SDK1: variants seen among roughly 807,000 people sequenced by gnomAD.
SDK1 encodes sidekick cell adhesion molecule 1, also known as protein sidekick-1.
Under a neutral mutation model 245.5 loss-of-function variants are expected in SDK1, and 157 were observed. That is an observed-to-expected ratio of 0.64 (90% CI 0.56 to 0.73). The LOEUF (loss-of-function observed/expected upper bound fraction) is 0.73. Among genes scored for constraint, SDK1 ranks in the 30% least tolerant of loss-of-function variants. The pLI is 0.00. For synonymous variants in SDK1, 1,647 were observed against 1,278.5 expected (o/e 1.29, Z -6.15); for missense variants, 3,583 against 3,002.3 (o/e 1.19, Z -4.52).
rs117082500 is a variant in SDK1 at position 4,078,409 on chromosome 7, T to A, written c.3203-1054T>A. 3.4e-3 allele frequency among the ~76,000 whole-genome samples: 513 copies of A among 152,284 alleles called. 3 individuals carry two copies. The highest frequency in any genetic ancestry group is 0.031 in the South Asian group (149 of 4,828). On this transcript the variant is annotated intron_variant, in intron 21 of 44. Coordinates refer to ENST00000404826, the MANE Select transcript of SDK1 (RefSeq NM_152744.4). ...CCACTTGTCCTTCAATTTAAACATT[T>A]TCTATTTCAAATTCATTAAAAACTA...
intron 40 of SDK1, among the ~76,000 whole-genome samples, chr7:4,230,870 C>T (rs1419801295): frequency 6.6e-6 from 1 of 152,132 alleles, no homozygotes; most frequent in Non-Finnish European, 1.5e-5. Context: ...CAAAAGGACT[C>T]TTGATTTTCC....
rs574699124 is a variant in SDK1, at chr7:3,419,071, C to T, written c.298+117187C>T. ...ACATGGTTTTTGTGTCCCATGAATACGGTATTTTTGATCTGCATTTGATTG... is the reference window on the plus strand; with the variant it reads ...ACATGGTTTTTGTGTCCCATGAATATGGTATTTTTGATCTGCATTTGATTG... On this transcript the variant is annotated intron_variant, in intron 1 of 44. Transcript: ENST00000404826. Among the ~76,000 whole-genome samples, 12 of 152,274 alleles carry T rather than the reference C, an allele frequency of 7.9e-5. No homozygotes were observed. In the South Asian group the frequency reaches 1.2e-3, roughly 16 times the overall value.
intron 1 of SDK1, among the ~76,000 whole-genome samples, chr7:3,557,658 T>G (rs1349270036): frequency 6.6e-6 from 1 of 152,184 alleles, no homozygotes; most frequent in East Asian, 1.9e-4. Context: ...TACTAAGGCT[T>G]TCAAAATGTT....
intron 5 of SDK1, among the ~76,000 whole-genome samples, chr7:3,901,299 G>T (rs1583533576): frequency 1.3e-5 from 2 of 152,040 alleles, no homozygotes; most frequent in East Asian, 3.9e-4. Context: ...CGATTCTCCT[G>T]CCTCAGCCTC....
chr7:3,702,759 A>G (rs1376669118), intron 4 of SDK1, among the ~76,000 whole-genome samples: 4 of 152,182 alleles, frequency 2.6e-5, no homozygotes, highest in Non-Finnish European at 5.9e-5. Flanking sequence ...AATTAGAAAG[A>G]TGGTTCAAGT....
At chr7:3,806,321 AGGATGT>A (rs2115041231) in intron 4 of SDK1, among the ~76,000 whole-genome samples, 1 of 140,100 alleles carries the variant, frequency 7.1e-6, no homozygotes, top group African/African-American at 3.3e-5. Context: ...TGTCCACATT[AGGATGT>A]GGATGTCCAC....
At chr7:3,784,926 A>G (rs887078521) in intron 4 of SDK1, among the ~76,000 whole-genome samples, 1 of 152,228 alleles carries the variant, frequency 6.6e-6, no homozygotes, top group African/African-American at 2.4e-5. Flanking sequence ...AGCATTATTC[A>G]CAGTAGCTGA....
At chr7:3,483,884 T>A (rs1781594928) in intron 1 of SDK1, among the ~76,000 whole-genome samples, 1 of 152,234 alleles carries the variant, frequency 6.6e-6, no homozygotes, top group Non-Finnish European at 1.5e-5. Flanking sequence ...AAGCTCTACA[T>A]GGCCATAATA....
At chr7:3,973,420 A>G (rs12701325) in intron 12 of SDK1, among the ~76,000 whole-genome samples, 45,560 of 152,130 alleles carry the variant, frequency 0.3, 7,106 homozygotes, top group South Asian at 0.43. Context: ...GCCCGTGGTC[A>G]TCTAAAGACT....
At chr7:4,029,204 T>C (rs1787596650) in intron 17 of SDK1, among the ~76,000 whole-genome samples, 1 of 138,954 alleles carries the variant, frequency 7.2e-6, no homozygotes, top group Non-Finnish European at 1.5e-5. Context: ...TTTTCTTTCT[T>C]TTATTCTTTC....
At chr7:3,471,546 G>T (rs570377700) in intron 1 of SDK1, among the ~76,000 whole-genome samples, 3 of 152,066 alleles carry the variant, frequency 2.0e-5, no homozygotes, top group Non-Finnish European at 4.4e-5. Context: ...CGTCAGTTTC[G>T]ATTCTTCACA....
chr7:4,025,452 A>G (rs1307529947), intron 17 of SDK1, among the ~76,000 whole-genome samples: 1 of 152,260 alleles, frequency 6.6e-6, no homozygotes, highest in East Asian at 1.9e-4. Context: ...ATCGGTGCAG[A>G]TCACCTCTGT....
chr7:3,814,506 G>C (rs1241668188), intron 4 of SDK1, among the ~76,000 whole-genome samples: 1 of 151,850 alleles, frequency 6.6e-6, no homozygotes, highest in South Asian at 2.1e-4. Context: ...TGCTGTTTTG[G>C]TTACTGTAGC....
At chr7:3,868,019 C>T (rs1205077959) in intron 5 of SDK1, among the ~76,000 whole-genome samples, 1 of 152,020 alleles carries the variant, frequency 6.6e-6, no homozygotes, top group African/African-American at 2.4e-5. Context: ...TTTCATAACT[C>T]GAGAGTCATT....
chr7:3,841,164 A>C (rs1780147875), intron 5 of SDK1, among the ~76,000 whole-genome samples: 1 of 152,158 alleles, frequency 6.6e-6, no homozygotes, highest in Non-Finnish European at 1.5e-5. Context: ...CTCGTACCAC[A>C]TGCATGTACA....
At chr7:4,160,426 G>C (rs1300089126) in intron 31 of SDK1, among the ~76,000 whole-genome samples, 1 of 152,180 alleles carries the variant, frequency 6.6e-6, no homozygotes, top group African/African-American at 2.4e-5. Context: ...CTTACCCTTT[G>C]ATATTCAGAT....
chr7:4,190,197 T>A (rs1198971951), intron 35 of SDK1, among the ~76,000 whole-genome samples: 1 of 152,204 alleles, frequency 6.6e-6, no homozygotes, highest in African/African-American at 2.4e-5. Flanking sequence ...ATCATCGACG[T>A]TCCCAGGGCT....
chr7:4,169,627 A>C (rs1042688608), intron 32 of SDK1, among the ~76,000 whole-genome samples: 3 of 152,320 alleles, frequency 2.0e-5, no homozygotes, highest in African/African-American at 7.2e-5. Context: ...GAGATCTCCT[A>C]GATGCAATGA....
At chr7:4,250,437 G>T (rs1787220429) in intron 44 of SDK1, among the ~76,000 whole-genome samples, 1 of 152,050 alleles carries the variant, frequency 6.6e-6, no homozygotes, top group African/African-American at 2.4e-5. Context: ...TCCGCCTCCT[G>T]GGTTCAAGCA....
Sources: allele counts gnomAD v4.1 joint callset (sites outside exome capture counted in the v4.1 genomes callset), GRCh38; gene constraint gnomAD v4.1.1; transcripts MANE v1.5; gene names NCBI Gene and HGNC (gene_info 2026-07-23, HGNC 2026-07-21).